The following WWC2 variants were observed in gnomAD, a reference collection of about 807,000 sequenced individuals.
WWC2 encodes WW and C2 domain containing 2.
A neutral mutation model predicts 138.5 loss-of-function variants in WWC2; 101 were observed. The ratio of observed to expected loss-of-function variants is 0.73; its 90% CI spans 0.62 to 0.86. The LOEUF (loss-of-function observed/expected upper bound fraction) is 0.86, where lower values mean the gene tolerates loss of function less well. Among genes scored for constraint, WWC2 ranks in the 40% least tolerant of loss-of-function variants. WWC2 has a pLI of 0.00. For synonymous variants in WWC2, 558 were observed against 538.4 expected, an observed-to-expected ratio of 1.04 and a Z score of -0.50; for missense variants, 1,420 against 1,419.4, an observed-to-expected ratio of 1.00 and a Z score of -0.01.
chr4:183,269,549 T>G lies in WWC2; in HGVS notation c.2400+386T>G, dbSNP rs1185322422. 6.3e-5 allele frequency: 30 copies of G among 475,042 alleles called. 1 individual carries two copies. The highest frequency in any genetic ancestry group is 4.0e-4 in the South Asian group (26 of 64,240). 29.4% of individuals were successfully genotyped at this position (475,042 alleles called of 1,614,324 possible). ...TCCTCATGACAACCTGATGAAAGAT[T>G]GGTTATGAAATGGATGATTATCCAC... On this transcript the variant is annotated intron_variant, in intron 15 of 22. Coordinates refer to ENST00000403733, the MANE Select transcript of WWC2 (RefSeq NM_024949.6).
chr4:183,144,939 G>T (rs1733406909), intron 1 of WWC2, among the ~76,000 whole-genome samples: 1 of 152,170 alleles, frequency 6.6e-6, no homozygotes, highest in Non-Finnish European at 1.5e-5. Context: ...GTTAGATTTG[G>T]TTTTGTTTAG....
At position 183,316,647 on chromosome 4, in the gene WWC2, A is replaced by G. The variant is rs35338018; in HGVS notation, c.*918A>G. Reference sequence around the variant, plus strand: ...CAGAGAGAGCTGGAGGGGTGGAGGGAAATGCATCGGCACTCATTTGGTGTA... The same window carrying G: ...CAGAGAGAGCTGGAGGGGTGGAGGGGAATGCATCGGCACTCATTTGGTGTA... On this transcript the variant is annotated 3_prime_UTR_variant, in exon 23 of 23. Transcript: ENST00000403733. 0.081 allele frequency: 12,306 copies of G among 152,272 alleles called. 701 individuals carry two copies. Among genetic ancestry groups the G allele is most frequent in the Non-Finnish European group, 0.12 (8,371 of 68,022 alleles). 9.4% of individuals were successfully genotyped at this position (152,272 alleles called of 1,614,324 possible). A position where few individuals can be genotyped will look rare whatever the true frequency, so the allele number is the denominator to read the frequency against.
At chr4:183,168,356 C>A (rs1025829668) in intron 1 of WWC2, among the ~76,000 whole-genome samples, 1 of 152,016 alleles carries the variant, frequency 6.6e-6, no homozygotes, top group Non-Finnish European at 1.5e-5. Context: ...CTACAGTGTA[C>A]AGTGAAATGT....
intron 21 of WWC2, among the ~76,000 whole-genome samples, chr4:183,307,371 A>C (rs569157557): frequency 6.6e-6 from 1 of 152,318 alleles, no homozygotes; most frequent in Non-Finnish European, 1.5e-5. Context: ...CCAAACAATT[A>C]AGGAAAAAAA....
intron 16 of WWC2, among the ~76,000 whole-genome samples, chr4:183,272,107 G>A (rs1048223664): frequency 1.3e-5 from 2 of 152,168 alleles, no homozygotes; most frequent in Non-Finnish European, 2.9e-5. Context: ...CATGAATTTG[G>A]CATTTGTGGT....
At chr4:183,298,402 A>G (rs1335669226) in intron 21 of WWC2, among the ~76,000 whole-genome samples, 2 of 152,172 alleles carry the variant, frequency 1.3e-5, no homozygotes, top group African/African-American at 4.8e-5. Context: ...ATACCCAGGG[A>G]AAGAGCCATT....
intron 14 of WWC2, 24 bp downstream of exon 14, chr4:183,265,975 A>G (rs1365145371): frequency 8.2e-6 from 13 of 1,584,094 alleles, no homozygotes; most frequent in Non-Finnish European, 1.1e-5. Flanking sequence ...GCGAAGATCA[A>G]ATTGAGGAAC....
chr4:183,253,938 C>T lies in WWC2; in HGVS notation c.1135C>T (p.Gln379Ter). Residue 379 changes from glutamine (Q) to a stop codon, truncating the protein, a stop_gained, in exon 9 of 23, where the codon CAG (glutamine) becomes TAG (stop). Coordinates refer to ENST00000403733, the MANE Select transcript of WWC2 (RefSeq NM_024949.6). LOFTEE classifies it high-confidence loss of function. ...ATTAGAACGCCTAGAAGCTGAAAGG[C>T]AGCGGCTGGAAGAAGAGTTGCTGTC... ...DELERLEAERQRLEEELLSVR... is the reference protein window; with the variant it reads ...DELERLEAER The T allele has an allele frequency of 1.2e-6, 2 of 1,613,864 alleles. No individual in the cohort carries two copies. The highest frequency in any genetic ancestry group is 1.7e-6 in the Non-Finnish European group (2 of 1,179,854).
chr4:183,136,847 A>T (rs530204000), intron 1 of WWC2, among the ~76,000 whole-genome samples: 5 of 152,372 alleles, frequency 3.3e-5, no homozygotes, highest in African/African-American at 9.6e-5. Flanking sequence ...CTGCTGTCAT[A>T]GAGTGTACTT....
Position 183,282,607 on chromosome 4 carries a change from T to TGAG in WWC2, c.2685-100_2685-98dup, listed in dbSNP as rs751508793. On this transcript the variant is annotated intron_variant, in intron 17 of 22. Coordinates refer to ENST00000403733, the MANE Select transcript of WWC2 (RefSeq NM_024949.6). ...CAAAGAAATGGCTTGGCTCATTGTG[T>TGAG]GAGTCTGTTTATTTCCCAGATAACA... 4 of 1,197,926 alleles carry TGAG rather than the reference T, an allele frequency of 3.3e-6. No homozygotes were observed. The South Asian group carries it at 5.3e-5, about 16-fold the overall frequency. The allele number at this position is 1,197,926 out of a possible 1,614,324, so 74.2% of individuals were successfully genotyped here. A position where few individuals can be genotyped will look rare whatever the true frequency, so the allele number is the denominator to read the frequency against.
intron 16 of WWC2, among the ~76,000 whole-genome samples, chr4:183,276,804 A>G (rs1737869692): frequency 6.6e-6 from 1 of 151,428 alleles, no homozygotes; most frequent in African/African-American, 2.4e-5. Flanking sequence ...ATCTATTTCA[A>G]CTTCATTTGT....
At chr4:183,188,939 C>A (rs141873197) in intron 1 of WWC2, among the ~76,000 whole-genome samples, 4 of 152,028 alleles carry the variant, frequency 2.6e-5, no homozygotes, top group Non-Finnish European at 4.4e-5. Context: ...AACCACCGTG[C>A]CTGCCCCTCT....
chr4:183,223,084 CCTTT>C (rs1313354385), intron 4 of WWC2, among the ~76,000 whole-genome samples: 9 of 152,084 alleles, frequency 5.9e-5, no homozygotes, highest in Non-Finnish European at 1.3e-4. Context: ...TTTGCTATAC[CCTTT>C]CTATCTTTTG....
In WWC2 at chr4:183,280,549, G is replaced by A. The variant is rs1738036431; in HGVS notation, c.2563-227G>A. On this transcript the variant is annotated intron_variant, in intron 16 of 22. Transcript: ENST00000403733. ...ACCTTATTATATTTCTGTTCTACCT[G>A]GGATCTTGGCCCTCTAGTCCTGATT... 2.6e-5 allele frequency among the ~76,000 whole-genome samples: 4 copies of A among 151,972 alleles called. No homozygotes were observed. The South Asian group carries it at 8.3e-4, about 32-fold the overall frequency.
chr4:183,225,889 G>A (rs1736056886), intron 4 of WWC2, among the ~76,000 whole-genome samples: 1 of 152,142 alleles, frequency 6.6e-6, no homozygotes, highest in Non-Finnish European at 1.5e-5. Flanking sequence ...ATGGTTGTAT[G>A]TGGAGCCCAC....
At chr4:183,308,518 A>G (rs1739097072) in intron 21 of WWC2, among the ~76,000 whole-genome samples, 2 of 152,222 alleles carry the variant, frequency 1.3e-5, no homozygotes, top group African/African-American at 4.8e-5. Context: ...GAAAAAATAG[A>G]CAAATCAGAA....
intron 19 of WWC2, among the ~76,000 whole-genome samples, chr4:183,285,240 A>G (rs1239637417): frequency 6.6e-6 from 1 of 152,138 alleles, no homozygotes; most frequent in East Asian, 1.9e-4. Flanking sequence ...GCATTTCAGT[A>G]AAGATTTGAA....
intron 21 of WWC2, among the ~76,000 whole-genome samples, chr4:183,306,111 A>G (rs1301961152): frequency 6.6e-6 from 1 of 152,224 alleles, no homozygotes. Context: ...ACTAGAAAAA[A>G]TAAGAGAGAA....
At chr4:183,146,080 TCCA>T (rs913593323) in intron 1 of WWC2, among the ~76,000 whole-genome samples, 1 of 152,212 alleles carries the variant, frequency 6.6e-6, no homozygotes, top group Non-Finnish European at 1.5e-5. Context: ...TTATCCTGGC[TCCA>T]CCATTGGAGA....
Sources: allele counts gnomAD v4.1 joint callset (sites outside exome capture counted in the v4.1 genomes callset), GRCh38; gene constraint gnomAD v4.1.1; transcripts MANE v1.5; gene names NCBI Gene and HGNC (gene_info 2026-07-23, HGNC 2026-07-21).